ITFG1: variants seen among roughly 807,000 people sequenced by gnomAD.
The protein encoded by ITFG1 is T-cell immunomodulatory protein.
ITFG1 carries 34 observed loss-of-function variants against 81.8 expected under a neutral mutation model. The ratio of observed to expected loss-of-function variants is 0.42; its 90% CI spans 0.32 to 0.55. The LOEUF (loss-of-function observed/expected upper bound fraction) is 0.55, where lower values mean the gene tolerates loss of function less well. Among genes scored for constraint, ITFG1 ranks in the 20% least tolerant of loss-of-function variants. The pLI, the probability that ITFG1 is intolerant of heterozygous loss-of-function variation, is 0.17. For missense variants in ITFG1, 672 were observed against 755.4 expected, an observed-to-expected ratio of 0.89 and a Z score of 1.29; for synonymous variants, 285 against 270.6, an observed-to-expected ratio of 1.05 and a Z score of -0.52.
chr16:47,324,371 A>G (rs1275613974), intron 8 of ITFG1, among the ~76,000 whole-genome samples: 2 of 152,114 alleles, frequency 1.3e-5, no homozygotes, highest in Non-Finnish European at 1.5e-5. Flanking sequence ...GGTACCAGCC[A>G]CTGCAAAAAC....
chr16:47,375,665 G>A (rs1258327029), intron 7 of ITFG1, among the ~76,000 whole-genome samples: 1 of 152,210 alleles, frequency 6.6e-6, no homozygotes, highest in Non-Finnish European at 1.5e-5. Context: ...TGGCAGTCAT[G>A]CCTAAAAACC....
intron 10 of ITFG1, among the ~76,000 whole-genome samples, chr16:47,286,258 G>A (rs1966868892): frequency 6.6e-6 from 1 of 152,196 alleles, no homozygotes; most frequent in Non-Finnish European, 1.5e-5. Flanking sequence ...CATTATGGGT[G>A]CAGAGGCTGG....
chr16:47,461,047 G>A lies in ITFG1; in HGVS notation c.-2C>T, dbSNP rs934351839. The A allele has an allele frequency of 3.9e-6, 6 of 1,537,638 alleles. No homozygotes were observed. In the African/African-American group the frequency reaches 6.9e-5, roughly 18 times the overall value. ...CGGGAGCCGGCCCGCCGCCGCCATGGCAGCCCCTCAGCCCCCGCCCGCCGG... is the reference window on the plus strand; with the variant it reads ...CGGGAGCCGGCCCGCCGCCGCCATGACAGCCCCTCAGCCCCCGCCCGCCGG... On this transcript the variant is annotated 5_prime_UTR_variant, in exon 1 of 18. Transcript: ENST00000320640.
At chr16:47,221,582 A>T (rs905792255) in intron 13 of ITFG1, among the ~76,000 whole-genome samples, 2 of 152,162 alleles carry the variant, frequency 1.3e-5, no homozygotes, top group African/African-American at 4.8e-5. Flanking sequence ...TGGTATCAGG[A>T]TGATGCTGGC....
chr16:47,288,097 G>A (rs780228048), intron 10 of ITFG1, among the ~76,000 whole-genome samples: 51 of 152,162 alleles, frequency 3.4e-4, no homozygotes, highest in Non-Finnish European at 3.2e-4. Context: ...AACCCTTGGC[G>A]TTCACCTATT....
At chr16:47,357,985 T>C (rs145917755) in intron 8 of ITFG1, among the ~76,000 whole-genome samples, 4 of 152,314 alleles carry the variant, frequency 2.6e-5, no homozygotes, top group African/African-American at 9.6e-5. Context: ...AAGTCTTTGC[T>C]ACAAGGTAGA....
intron 10 of ITFG1, among the ~76,000 whole-genome samples, chr16:47,296,060 C>T (rs201272932): frequency 1.9e-4 from 28 of 148,784 alleles, no homozygotes; most frequent in Non-Finnish European, 3.6e-4. Context: ...CACCATGTCC[C>T]GGCTAAGTTT....
intron 7 of ITFG1, among the ~76,000 whole-genome samples, chr16:47,370,278 C>T (rs186507614): frequency 9.6e-4 from 146 of 152,258 alleles, no homozygotes; most frequent in African/African-American, 2.9e-3. Flanking sequence ...GTAAAGTCCC[C>T]GACCAGAGTG....
intron 13 of ITFG1, among the ~76,000 whole-genome samples, chr16:47,232,396 A>C (rs1195788719): frequency 6.6e-6 from 1 of 152,204 alleles, no homozygotes; most frequent in Non-Finnish European, 1.5e-5. Context: ...ACTACTGAGA[A>C]CTGGAAACTG....
At position 47,449,411 on chromosome 16, in the gene ITFG1, G is replaced by A. The variant is rs533961383; in HGVS notation, c.560+1985C>T. 1.2e-4 allele frequency: 19 copies of A among 152,252 alleles called. No individual in the cohort carries two copies. In the East Asian group the frequency reaches 2.9e-3, roughly 23 times the overall value. 9.4% of individuals were successfully genotyped at this position (152,252 alleles called of 1,614,324 possible). A position where few individuals can be genotyped will look rare whatever the true frequency, so the allele number is the denominator to read the frequency against. ...TTTATAAAACTGACATTGCTTAAAC[G>A]TAGTTTTCATATTTTAGTAACATAT... On this transcript the variant is annotated intron_variant, in intron 5 of 17. Coordinates refer to ENST00000320640, the MANE Select transcript of ITFG1 (RefSeq NM_030790.5).
intron 10 of ITFG1, 112 bp from the exon 11 acceptor site, chr16:47,260,807 C>G: frequency 8.8e-7 from 1 of 1,136,090 alleles, no homozygotes; most frequent in Admixed American, 2.4e-5. Flanking sequence ...AGTGAAATTA[C>G]ACGAAAAAAT....
chr16:47,253,848 G>A (rs1335244649), intron 12 of ITFG1, among the ~76,000 whole-genome samples: 1 of 152,134 alleles, frequency 6.6e-6, no homozygotes, highest in African/African-American at 2.4e-5. Flanking sequence ...CTGTCGTGCG[G>A]CCTGGTTCCT....
intron 8 of ITFG1, among the ~76,000 whole-genome samples, chr16:47,342,566 T>C (rs1181865915): frequency 6.6e-6 from 1 of 152,086 alleles, no homozygotes; most frequent in Non-Finnish European, 1.5e-5. Flanking sequence ...ACTATCTCTA[T>C]TTAGAGATGA....
chr16:47,200,017 C>T (rs190678418), intron 14 of ITFG1, among the ~76,000 whole-genome samples: 20 of 150,890 alleles, frequency 1.3e-4, no homozygotes, highest in Admixed American at 4.6e-4. Context: ...TGATGGGGTG[C>T]GGCTGTAAAT....
rs1309675830 is a variant in ITFG1 at position 47,336,386 on chromosome 16, T to C, written c.803-22563A>G. 3.3e-5 allele frequency among the ~76,000 whole-genome samples: 5 copies of C among 152,350 alleles called. No individual in the cohort carries two copies. The East Asian group carries it at 9.6e-4, about 29-fold the overall frequency. On this transcript the variant is annotated intron_variant, in intron 8 of 17. Transcript: ENST00000320640. ...CTTGTCCTGCTGCTCTCGGCTGTGG[T>C]AGCAGTGCTGAAGCAGTGACAACAC...
chr16:47,211,435 C>T (rs1271253294), intron 14 of ITFG1, among the ~76,000 whole-genome samples: 1 of 152,052 alleles, frequency 6.6e-6, no homozygotes, highest in African/African-American at 2.4e-5. Context: ...TTTTTTATTC[C>T]TGGAGGTCAT....
chr16:47,228,492 G>A (rs993156387), intron 13 of ITFG1, among the ~76,000 whole-genome samples: 14 of 152,114 alleles, frequency 9.2e-5, no homozygotes, highest in Admixed American at 8.5e-4. Context: ...GAGTACCCGG[G>A]ATTACAGGCG....
chr16:47,253,449 T>C (rs1263472583), intron 12 of ITFG1, among the ~76,000 whole-genome samples: 2 of 152,212 alleles, frequency 1.3e-5, no homozygotes, highest in Admixed American at 1.3e-4. Context: ...CACTATTTAA[T>C]GATGTAAAGG....
At chr16:47,191,040 G>A (rs928653679) in intron 14 of ITFG1, among the ~76,000 whole-genome samples, 3 of 152,226 alleles carry the variant, frequency 2.0e-5, no homozygotes, top group East Asian at 1.9e-4. Context: ...GGTCATGTTC[G>A]CTGATGTCTC....
Sources: gnomAD v4.1 joint callset for allele counts (sites outside exome capture counted in the v4.1 genomes callset) on GRCh38, gnomAD v4.1.1 for gene constraint, MANE v1.5 for transcripts, NCBI Gene and HGNC (gene_info 2026-07-23, HGNC 2026-07-21) for gene names.